The following ASCC1 variants were observed in gnomAD, a reference collection of about 807,000 sequenced individuals.
ASCC1 encodes activating signal cointegrator 1 complex subunit 1.
Under a neutral mutation model 46.6 loss-of-function variants are expected in ASCC1, and 35 were observed. The observed-to-expected ratio is 0.75, with a 90% CI of 0.57 to 0.99. ASCC1 has a LOEUF of 0.99. Ranked by LOEUF, ASCC1 falls within the 50% of genes least tolerant of loss-of-function variation. The pLI, the probability that ASCC1 is intolerant of heterozygous loss-of-function variation, is 0.00. For missense variants in ASCC1, 376 were observed against 428.7 expected (o/e 0.88, Z 1.09); for synonymous variants, 143 against 146.6 (o/e 0.98, Z 0.18).
At chr10:72,109,835 C>A (rs77353918) in intron 9 of ASCC1, among the ~76,000 whole-genome samples, 2 of 152,202 alleles carry the variant, frequency 1.3e-5, no homozygotes, top group Non-Finnish European at 2.9e-5. Context: ...AAAGAGGCTA[C>A]GCTGACCCGG....
intron 8 of ASCC1, among the ~76,000 whole-genome samples, chr10:72,131,158 T>C (rs1030948938): frequency 7.2e-5 from 11 of 152,172 alleles, no homozygotes; most frequent in African/African-American, 2.7e-4. Context: ...CAGTGGCTCA[T>C]GCCTGTAATC....
intron 8 of ASCC1, among the ~76,000 whole-genome samples, chr10:72,132,691 AT>A (rs1845745606): frequency 6.6e-6 from 1 of 151,652 alleles, no homozygotes; most frequent in Non-Finnish European, 1.5e-5. Context: ...CTGATTTAAC[AT>A]TTACTTTCAC....
intron 9 of ASCC1, among the ~76,000 whole-genome samples, chr10:72,109,240 A>G (rs1370239878): frequency 6.6e-5 from 10 of 152,140 alleles, no homozygotes; most frequent in Admixed American, 3.9e-4. Flanking sequence ...CTATTAGGAG[A>G]GCAGCAAAAA....
At chr10:72,166,069 A>G (rs1337869924) in intron 5 of ASCC1, among the ~76,000 whole-genome samples, 1 of 152,186 alleles carries the variant, frequency 6.6e-6, no homozygotes, top group Non-Finnish European at 1.5e-5. Flanking sequence ...CTAGGAAGAG[A>G]TGAGGTCAAA....
Position 72,197,906 on chromosome 10 carries a change from A to AAAATAAATAAAAAAAT in ASCC1, c.311-918_311-917insATTTTTTTATTTATTT, listed in dbSNP as rs1554840416. 8.4e-4 allele frequency among the ~76,000 whole-genome samples: 118 copies of AAAATAAATAAAAAAAT among 140,010 alleles called. 1 individual carries two copies. Among genetic ancestry groups the AAAATAAATAAAAAAAT allele is most frequent in the African/African-American group, 3.4e-3 (111 of 32,640 alleles). The allele number at this position is 140,010 out of a possible 152,430, so 91.9% of individuals were successfully genotyped here. On this transcript the variant is annotated intron_variant, in intron 4 of 9. Transcript: ENST00000672957. ...GGGCAACAGAGCTAGACCCTGTCTCAAAATAAATAAATAAATAAATAAATA... is the reference window on the plus strand; with the variant it reads ...GGGCAACAGAGCTAGACCCTGTCTCAAAATAAATAAAAAAATAAATAAATAAATAAATAAATAAATA...
At chr10:72,215,994 C>T (rs1034210284) in intron 1 of ASCC1, 1 of 152,342 alleles carries the variant, frequency 6.6e-6, no homozygotes, top group African/African-American at 2.4e-5. Flanking sequence ...CCACGCCCAC[C>T]ACGGCACGGG....
chr10:72,196,315 G>A (rs1466269069), intron 5 of ASCC1, among the ~76,000 whole-genome samples: 1 of 139,762 alleles, frequency 7.2e-6, no homozygotes, highest in Non-Finnish European at 1.5e-5. Context: ...ATCTCACTCT[G>A]TCTCCCAGGC....
chr10:72,171,084 G>A (rs374885447), intron 5 of ASCC1, among the ~76,000 whole-genome samples: 19 of 152,276 alleles, frequency 1.2e-4, no homozygotes, highest in African/African-American at 4.3e-4. Flanking sequence ...AACAAATAGT[G>A]AAATATTAAC....
At chr10:72,173,851 G>A (rs1246940014) in intron 5 of ASCC1, among the ~76,000 whole-genome samples, 1 of 152,138 alleles carries the variant, frequency 6.6e-6, no homozygotes, top group East Asian at 1.9e-4. Context: ...ACTGGGCCCT[G>A]CTCCAAGCTT....
intron 7 of ASCC1, among the ~76,000 whole-genome samples, chr10:72,146,703 A>G (rs1301785763): frequency 6.6e-6 from 1 of 152,084 alleles, no homozygotes; most frequent in African/African-American, 2.4e-5. Flanking sequence ...CAAACCGAGG[A>G]TGCATTAGTA....
chr10:72,164,625 T>C (rs1850114101), intron 5 of ASCC1, among the ~76,000 whole-genome samples: 1 of 152,220 alleles, frequency 6.6e-6, no homozygotes, highest in Non-Finnish European at 1.5e-5. Flanking sequence ...AACATATGTT[T>C]TCAGTTATTT....
intron 5 of ASCC1, among the ~76,000 whole-genome samples, chr10:72,187,644 C>A (rs1663071177): frequency 1.4e-5 from 2 of 142,648 alleles, no homozygotes; most frequent in African/African-American, 2.7e-5. Context: ...GGCGAGAACC[C>A]GGGAGACGGA....
chr10:72,103,114 C>A (rs775498445), intron 9 of ASCC1: 4 of 306,044 alleles, frequency 1.3e-5, no homozygotes, highest in African/African-American at 7.0e-5. Context: ...CACAACCCCA[C>A]GAAATAGATA....
At chr10:72,106,110 C>G (rs1484175559) in intron 9 of ASCC1, among the ~76,000 whole-genome samples, 2 of 152,120 alleles carry the variant, frequency 1.3e-5, no homozygotes, top group Admixed American at 1.3e-4. Context: ...TCCAAGATCC[C>G]TCTTTTAAGA....
chr10:72,189,943 A>G (rs535678075), intron 5 of ASCC1: 8 of 735,858 alleles, frequency 1.1e-5, no homozygotes, highest in African/African-American at 1.0e-4. Flanking sequence ...AAGCCAAGAC[A>G]AGTGCACACA....
chr10:72,138,820 C>T (rs1846598344), intron 7 of ASCC1, among the ~76,000 whole-genome samples: 1 of 152,034 alleles, frequency 6.6e-6, no homozygotes, highest in African/African-American at 2.4e-5. Flanking sequence ...CTGGCCTTGG[C>T]CTCCCAAAGT....
chr10:72,139,239 G>A (rs769882874), intron 7 of ASCC1, among the ~76,000 whole-genome samples: 2 of 149,836 alleles, frequency 1.3e-5, no homozygotes, highest in Non-Finnish European at 1.5e-5. Context: ...TCAGCCTCCC[G>A]AGCAGCTGGG....
chr10:72,098,108 C>T (rs527475238), intron 9 of ASCC1, among the ~76,000 whole-genome samples: 2 of 152,142 alleles, frequency 1.3e-5, no homozygotes, highest in Non-Finnish European at 2.9e-5. Flanking sequence ...ATACTTTTTG[C>T]TATGATCCTG....
chr10:72,158,328 T>C (rs1849232029), intron 6 of ASCC1, among the ~76,000 whole-genome samples: 1 of 152,212 alleles, frequency 6.6e-6, no homozygotes, highest in African/African-American at 2.4e-5. Context: ...TCTAGTCCCT[T>C]TAAACTTCTT....
Sources: allele counts gnomAD v4.1 joint callset (sites outside exome capture counted in the v4.1 genomes callset), GRCh38; gene constraint gnomAD v4.1.1; transcripts MANE v1.5; gene names NCBI Gene and HGNC (gene_info 2026-07-23, HGNC 2026-07-21).